The following ZFHX2 variants were observed in gnomAD, a reference collection of about 807,000 sequenced individuals.
The protein encoded by ZFHX2 is zinc finger homeobox 2.
ZFHX2 carries 75 observed loss-of-function variants against 164.8 expected under a neutral mutation model. The observed-to-expected ratio is 0.46, with a 90% CI of 0.38 to 0.55. The LOEUF (loss-of-function observed/expected upper bound fraction) is 0.55. Ranked by LOEUF, ZFHX2 falls within the 20% of genes least tolerant of loss-of-function variation. ZFHX2 has a pLI of 0.00. For synonymous variants in ZFHX2, 1,217 were observed against 1,351.4 expected (o/e 0.90, Z 2.18); for missense variants, 2,933 against 3,308.0 (o/e 0.89, Z 2.78).
At position 23,534,682 on chromosome 14, in the gene ZFHX2, T is replaced by C; in HGVS notation, c.644A>G (p.Asn215Ser). ...GCCATCTTTGGGATCTCCGGGTGGA[T>C]TTGGAGCCAGCTGGTAGCTCCAGAA... ...GAFWSYQLAP[N>S]PPGDPKDGPM... The change falls in exon 2 of 10, where the codon AAT (asparagine) becomes AGT (serine). Residue 215 changes from asparagine to serine, a missense_variant. Coordinates refer to ENST00000419474, the MANE Select transcript of ZFHX2 (RefSeq NM_033400.3). This position sits in a 1 kb window ranked among gnomAD's most constrained non-coding sequence, Gnocchi z 4.5. The C allele has an allele frequency of 5.2e-6, 8 of 1,536,184 alleles. No individual in the cohort carries two copies. Among genetic ancestry groups the C allele is most frequent in the Non-Finnish European group, 7.0e-6 (8 of 1,146,906 alleles).
chr14:23,522,030 C>G lies in ZFHX2; in HGVS notation c.7651G>C (p.Glu2551Gln). 6.5e-7 allele frequency: 1 copy of G among 1,536,402 alleles called. No homozygotes were observed. Among genetic ancestry groups the G allele is most frequent in the Non-Finnish European group, 8.7e-7 (1 of 1,146,906 alleles). The change falls in exon 10 of 10, where the codon GAA becomes CAA. Residue 2551 changes from glutamate to glutamine, a missense_variant. Transcript: ENST00000419474. ...GAGTCCGTGTGAGGTAATCTTGCTTCCTCTTTGGCAAAAGCCACAGCAGCC... is the reference window on the plus strand; with the variant it reads ...GAGTCCGTGTGAGGTAATCTTGCTTGCTCTTTGGCAAAAGCCACAGCAGCC... The part of the protein sequence containing the change: ...ASAAVAFAKE[E>Q]ARLPHTDSNP...
Position 23,521,809 on chromosome 14 carries a change from G to C in ZFHX2, c.*153C>G, listed in dbSNP as rs546889900. The C allele has an allele frequency of 3.8e-6, 5 of 1,329,944 alleles. No homozygotes were observed. In the East Asian group the frequency reaches 1.0e-4, roughly 27 times the overall value. 82.4% of individuals were successfully genotyped at this position (1,329,944 alleles called of 1,614,324 possible). A position where few individuals can be genotyped will look rare whatever the true frequency, so the allele number is the denominator to read the frequency against. ...GGCAGGACTCTGCTGGAAGTGGGGT[G>C]TGTGGTGCCCACTGAGGGTGGGAAC... On this transcript the variant is annotated 3_prime_UTR_variant, in exon 10 of 10. Transcript: ENST00000419474.
Position 23,534,718 on chromosome 14 carries a change from C to T in ZFHX2, c.608G>A (p.Arg203Lys). The change falls in exon 2 of 10, where the codon AGG becomes AAG. Residue 203 changes from arginine (R) to lysine (K), a missense_variant. Coordinates refer to ENST00000419474, the MANE Select transcript of ZFHX2 (RefSeq NM_033400.3). The surrounding 1 kb of genome is among the most constrained non-coding windows in gnomAD (Gnocchi z 4.5). ...CTGGTAGCTCCAGAAAGCTCCATGC[C>T]TTTCCTCACAGGCAGCCGGAGATGG... ...SAPSPAACEE[R>K]HGAFWSYQLA... 1 of 1,536,172 alleles carries T rather than the reference C, an allele frequency of 6.5e-7. No homozygotes were observed. The highest frequency in any genetic ancestry group is 8.7e-7 in the Non-Finnish European group (1 of 1,146,914).
At chr14:23,539,226 C>T (rs980995255) in intron 1 of ZFHX2, among the ~76,000 whole-genome samples, 1 of 152,154 alleles carries the variant, frequency 6.6e-6, no homozygotes, top group African/African-American at 2.4e-5. Context: ...TGGTATTGCC[C>T]TCTTCCTCTG....
intron 1 of ZFHX2, among the ~76,000 whole-genome samples, chr14:23,536,471 C>T (rs546612835): frequency 6.6e-6 from 1 of 152,332 alleles, no homozygotes; most frequent in Admixed American, 6.5e-5. Context: ...ATGGGAGCTT[C>T]TCTGGTCAGT....
intron 1 of ZFHX2, among the ~76,000 whole-genome samples, chr14:23,544,715 CTCGCTGCCTCTA>C (rs1881199508): frequency 6.6e-6 from 1 of 152,158 alleles, no homozygotes; most frequent in Non-Finnish European, 1.5e-5. Context: ...TCGTTACACT[CTCGCTGCCTCTA>C]ATGGCGCTAA....
intron 1 of ZFHX2, among the ~76,000 whole-genome samples, chr14:23,539,699 C>T (rs889666956): frequency 1.3e-5 from 2 of 152,126 alleles, no homozygotes; most frequent in African/African-American, 2.4e-5. Flanking sequence ...GTGCTTCCTC[C>T]CATCCCCCAG....
rs539738497 is a variant in ZFHX2 at position 23,524,736 on chromosome 14, G to T, written c.5206C>A (p.Pro1736Thr). Residue 1736 changes from proline (P) to threonine (T), a missense_variant, in exon 9 of 10, where the codon CCA becomes ACA. Transcript: ENST00000419474. This position sits in a 1 kb window ranked among gnomAD's most constrained non-coding sequence, Gnocchi z 5.6. ...AGCTCCTCCCCATCTGGAGGCTCTG[G>T]TAATGGGCCCTCAGGCCCTGCTGGA... is the stretch of plus-strand genomic sequence containing the variant. ...EPPAGPEGPLPEPPDGEELSQ... is the reference protein window; with the variant it reads ...EPPAGPEGPLTEPPDGEELSQ... 2 of 1,536,350 alleles carry T rather than the reference G, an allele frequency of 1.3e-6. No homozygotes were observed. Among genetic ancestry groups the T allele is most frequent in the African/African-American group, 2.7e-5 (2 of 73,124 alleles).
rs1365656342 is a variant in ZFHX2, at chr14:23,526,053, C to T, written c.3889G>A (p.Glu1297Lys). The change falls in exon 9 of 10, where the codon GAA becomes AAA. Residue 1297 changes from glutamate (E) to lysine (K), a missense_variant. By Grantham distance (56) the Glu-to-Lys change is moderately conservative. Transcript: ENST00000419474. The stretch of plus-strand genomic sequence containing the variant: ...CCCACCTCCCCCTCTGTCTCGCCTT[C>T]CTTGGGCTCTTCTTGGCTGCGTTCT... Reference protein sequence around the residue: ...GPERSQEEPKEGETEGEVGTE... With the variant: ...GPERSQEEPKKGETEGEVGTE... The T allele has an allele frequency of 9.8e-6, 15 of 1,536,412 alleles. No individual in the cohort carries two copies. The highest frequency in any genetic ancestry group is 1.7e-4 in the Middle Eastern group (1 of 6,008).
In ZFHX2 at chr14:23,526,045, C is replaced by G; in HGVS notation, c.3897G>C (p.Glu1299Asp). The change falls in exon 9 of 10, where the codon GAG becomes GAC. Residue 1299 changes from glutamate (E) to aspartate (D), a missense_variant. Coordinates refer to ENST00000419474, the MANE Select transcript of ZFHX2 (RefSeq NM_033400.3). The stretch of plus-strand genomic sequence containing the variant: ...TCTCAGTGCCCACCTCCCCCTCTGT[C>G]TCGCCTTCCTTGGGCTCTTCTTGGC... ...ERSQEEPKEG[E>D]TEGEVGTEKK... The G allele has an allele frequency of 6.5e-7, 1 of 1,536,484 alleles. No individual in the cohort carries two copies. Among genetic ancestry groups the G allele is most frequent in the Non-Finnish European group, 8.7e-7 (1 of 1,146,930 alleles).
chr14:23,553,604 C>CAAA (rs1201437501), upstream of ZFHX2, among the ~76,000 whole-genome samples: 1 of 126,020 alleles, frequency 7.9e-6, no homozygotes, highest in East Asian at 2.5e-4. Context: ...CGTCTCAAAA[C>CAAA]CAAAAACAGG....
chr14:23,521,649 G>A lies in ZFHX2; in HGVS notation c.*313C>T. The A allele has an allele frequency of 3.1e-6, 1 of 321,540 alleles. No individual in the cohort carries two copies. Among genetic ancestry groups the A allele is most frequent in the Non-Finnish European group, 5.7e-6 (1 of 174,902 alleles). The allele number at this position is 321,540 out of a possible 1,614,324, so 19.9% of individuals were successfully genotyped here. On this transcript the variant is annotated 3_prime_UTR_variant, in exon 10 of 10. Transcript: ENST00000419474. ...GAAGATAGAACCAAGGATATATTTT[G>A]TGTGTGGTAGGCAGACATGTATGAA...
Position 23,534,147 on chromosome 14 carries a change from T to C in ZFHX2, c.1179A>G (p.Ser393=). Residue 393 remains serine (S), a synonymous_variant, in exon 2 of 10, where the codon TCA becomes TCG. Coordinates refer to ENST00000419474, the MANE Select transcript of ZFHX2 (RefSeq NM_033400.3). The surrounding 1 kb of genome is among the most constrained non-coding windows in gnomAD (Gnocchi z 4.5). ...GAGTGCCCCCCTCCTTGGAGGTGGG[T>C]GAGCTTTGGTTGAGTGGGGGGCAGA... is the stretch of plus-strand genomic sequence containing the variant. ...GGLCPPLNQS[S]PTSKEGGTLP... 6.8e-7 allele frequency: 1 copy of C among 1,471,302 alleles called. No individual in the cohort carries two copies. The highest frequency in any genetic ancestry group is 1.4e-5 in the South Asian group (1 of 73,004). The allele number at this position is 1,471,302 out of a possible 1,614,324, so 91.1% of individuals were successfully genotyped here. A position where few individuals can be genotyped will look rare whatever the true frequency, so the allele number is the denominator to read the frequency against.
At chr14:23,531,449 CA>C (rs1290065412) in intron 4 of ZFHX2, 31 bp downstream of exon 4, 5 of 1,375,080 alleles carry the variant, frequency 3.6e-6, no homozygotes, top group Admixed American at 3.0e-5. Context: ...CCTCCCTGCC[CA>C]GCTCTTATTC....
Position 23,523,917 on chromosome 14 carries a change from C to G in ZFHX2, c.6025G>C (p.Gly2009Arg). The change falls in exon 9 of 10, where the codon GGC becomes CGC. Residue 2009 changes from glycine to arginine, a missense_variant. Coordinates refer to ENST00000419474, the MANE Select transcript of ZFHX2 (RefSeq NM_033400.3). The surrounding 1 kb of genome is among the most constrained non-coding windows in gnomAD (Gnocchi z 4.1). ...LPPPPPSEEE[G>R]PEEPPKASPE... ...GAAGCTTTAGGTGGTTCCTCTGGGC[C>G]CTCTTCCTCACTGGGTGGAGGGGGA... 6.5e-7 allele frequency: 1 copy of G among 1,536,202 alleles called. No homozygotes were observed. The highest frequency in any genetic ancestry group is 1.2e-5 in the South Asian group (1 of 84,058).
intron 6 of ZFHX2, 69 bp downstream of exon 6, chr14:23,529,641 T>C (rs1879270405): frequency 7.1e-7 from 1 of 1,404,362 alleles, no homozygotes; most frequent in Non-Finnish European, 9.7e-7. Context: ...CGTCTGCCTT[T>C]AGAATATGAG....
At chr14:23,540,645 A>T (rs962789379) in intron 1 of ZFHX2, among the ~76,000 whole-genome samples, 9 of 152,250 alleles carry the variant, frequency 5.9e-5, no homozygotes, top group Admixed American at 2.0e-4. Context: ...GCCAGGTTCA[A>T]TCCTTGCTCC....
chr14:23,520,857 T>C lies in ZFHX2; in HGVS notation c.*1105A>G, dbSNP rs1176424399. The C allele has an allele frequency of 6.7e-6, 1 of 150,270 alleles. No individual in the cohort carries two copies. The highest frequency in any genetic ancestry group is 1.5e-5 in the Non-Finnish European group (1 of 67,924). The allele number at this position is 150,270 out of a possible 1,614,324, so 9.3% of individuals were successfully genotyped here. ...ACAAATAGGAAAAAAAACACTTGTCTGATGGGAGTTTTCTTCCTTTTTTTT... is the reference window on the plus strand; with the variant it reads ...ACAAATAGGAAAAAAAACACTTGTCCGATGGGAGTTTTCTTCCTTTTTTTT... On this transcript the variant is annotated 3_prime_UTR_variant, in exon 10 of 10. Coordinates refer to ENST00000419474, the MANE Select transcript of ZFHX2 (RefSeq NM_033400.3). The surrounding 1 kb of genome is among the most constrained non-coding windows in gnomAD (Gnocchi z 8.7).
Position 23,521,871 on chromosome 14 carries a change from G to T in ZFHX2, c.*91C>A, listed in dbSNP as rs1878040113. The T allele has an allele frequency of 2.0e-6, 3 of 1,502,366 alleles. No individual in the cohort carries two copies. Among genetic ancestry groups the T allele is most frequent in the Non-Finnish European group, 2.7e-6 (3 of 1,131,150 alleles). The allele number at this position is 1,502,366 out of a possible 1,614,324, so 93.1% of individuals were successfully genotyped here. On this transcript the variant is annotated 3_prime_UTR_variant, in exon 10 of 10. Coordinates refer to ENST00000419474, the MANE Select transcript of ZFHX2 (RefSeq NM_033400.3). ...TGTGAGGTGGGCGGGGCCAGGGGGT[G>T]GGGTGAGGGATTTGAGCTCCCACCG... is the stretch of plus-strand genomic sequence containing the variant.
Sources: allele counts gnomAD v4.1 joint callset (sites outside exome capture counted in the v4.1 genomes callset), GRCh38; gene constraint gnomAD v4.1.1; non-coding constraint Gnocchi (gnomAD v3.1); transcripts MANE v1.5; gene names NCBI Gene and HGNC (gene_info 2026-07-23, HGNC 2026-07-21).